The following CARMIL1 variants were observed in gnomAD, a reference collection of about 807,000 sequenced individuals.
CARMIL1 encodes the protein capping protein regulator and myosin 1 linker 1, also known as F-actin-uncapping protein LRRC16A.
CARMIL1 carries 90 observed loss-of-function variants against 177.1 expected under a neutral mutation model. The observed-to-expected ratio is 0.51, with a 90% confidence interval of 0.43 to 0.61. The LOEUF is 0.61. CARMIL1 is among the 20% of genes least tolerant of loss of function. CARMIL1 has a pLI of 0.00. For synonymous variants in CARMIL1, 577 were observed against 606.2 expected, an observed-to-expected ratio of 0.95 and a Z score of 0.71; for missense variants, 1,380 against 1,667.0, an observed-to-expected ratio of 0.83 and a Z score of 3.00.
chr6:25,323,770 C>G (rs939009930), intron 2 of CARMIL1, among the ~76,000 whole-genome samples: 2 of 152,202 alleles, frequency 1.3e-5, no homozygotes, highest in African/African-American at 4.8e-5. Flanking sequence ...GGGACTGTTC[C>G]ATTCATCATC....
Position 25,509,758 on chromosome 6 carries a change from A to C in CARMIL1, c.1477+21A>C. ...CAATGGTAAGTCAGATATTGAAAAG[A>C]AATGAAACTGAAATATTTTTTGAAG... On this transcript the variant is annotated intron_variant, in intron 18 of 36. Transcript: ENST00000329474. The surrounding 1 kb of genome is among the most constrained non-coding windows in gnomAD (Gnocchi z 4.1). 1 of 1,487,158 alleles carries C rather than the reference A, an allele frequency of 6.7e-7. No homozygotes were observed. Among genetic ancestry groups the C allele is most frequent in the Non-Finnish European group, 9.2e-7 (1 of 1,084,922 alleles). 92.1% of individuals were successfully genotyped at this position (1,487,158 alleles called of 1,614,324 possible).
At chr6:25,317,853 C>T (rs1465222068) in intron 2 of CARMIL1, among the ~76,000 whole-genome samples, 2 of 152,200 alleles carry the variant, frequency 1.3e-5, no homozygotes, top group Non-Finnish European at 2.9e-5. Context: ...ACGTGAGCCA[C>T]TGCACTTGGC....
intron 2 of CARMIL1, among the ~76,000 whole-genome samples, chr6:25,366,425 T>C (rs1789807442): frequency 6.6e-6 from 1 of 152,054 alleles, no homozygotes; most frequent in African/African-American, 2.4e-5. Flanking sequence ...TGTCTGTGCC[T>C]GACATTTAAA....
intron 2 of CARMIL1, among the ~76,000 whole-genome samples, chr6:25,287,716 C>G (rs895226057): frequency 1.3e-5 from 2 of 152,230 alleles, no homozygotes; most frequent in African/African-American, 4.8e-5. Context: ...TGCTTCACAT[C>G]ATTTGGCTAG....
At chr6:25,392,725 A>C (rs915069236) in intron 2 of CARMIL1, among the ~76,000 whole-genome samples, 4 of 152,164 alleles carry the variant, frequency 2.6e-5, no homozygotes, top group African/African-American at 9.7e-5. Context: ...CACGTGTAGG[A>C]AATATATTGA....
chr6:25,535,030 A>G, intron 24 of CARMIL1, among the ~76,000 whole-genome samples: 1 of 152,232 alleles, frequency 6.6e-6, no homozygotes, highest in East Asian at 1.9e-4. Context: ...AAGCCTAGGT[A>G]GTCACCAGCA....
intron 3 of CARMIL1, chr6:25,420,518 G>T: frequency 5.2e-6 from 1 of 190,874 alleles, no homozygotes; most frequent in South Asian, 1.4e-4. Flanking sequence ...TCTCAACTGG[G>T]GCTTGATTTC....
chr6:25,597,715 G>T (rs1404335545), intron 32 of CARMIL1, among the ~76,000 whole-genome samples: 1 of 151,990 alleles, frequency 6.6e-6, no homozygotes, highest in Non-Finnish European at 1.5e-5. Context: ...TCGTCTCTGT[G>T]TCATTTTTCT....
At chr6:25,599,581 G>A (rs1485804573) in intron 32 of CARMIL1, among the ~76,000 whole-genome samples, 1 of 152,096 alleles carries the variant, frequency 6.6e-6, no homozygotes, top group African/African-American at 2.4e-5. Flanking sequence ...CTCTCCCAGA[G>A]CATACTCTCT....
intron 31 of CARMIL1, among the ~76,000 whole-genome samples, chr6:25,586,097 C>T (rs889411705): frequency 6.1e-5 from 9 of 147,060 alleles, no homozygotes; most frequent in Non-Finnish European, 1.3e-4. Flanking sequence ...CAGGCAGAGG[C>T]GCCCCCCATC....
chr6:25,502,165 C>T (rs1804441292), intron 17 of CARMIL1, among the ~76,000 whole-genome samples: 1 of 147,764 alleles, frequency 6.8e-6, no homozygotes, highest in South Asian at 2.1e-4. Context: ...TACTGAGGGG[C>T]ATGCCAATAG....
intron 2 of CARMIL1, among the ~76,000 whole-genome samples, chr6:25,320,656 AACATTC>A (rs1329526145): frequency 1.3e-5 from 2 of 152,168 alleles, no homozygotes; most frequent in African/African-American, 2.4e-5. Context: ...TGTTTGGGAT[AACATTC>A]CTTAGCATTC....
chr6:25,312,576 T>C (rs2150210053), intron 2 of CARMIL1, among the ~76,000 whole-genome samples: 1 of 152,336 alleles, frequency 6.6e-6, no homozygotes, highest in African/African-American at 2.4e-5. Flanking sequence ...TTTTTGTTTT[T>C]TTAAACTCAA....
chr6:25,298,318 CT>C (rs1561951001), intron 2 of CARMIL1, among the ~76,000 whole-genome samples: 1 of 152,168 alleles, frequency 6.6e-6, no homozygotes, highest in Non-Finnish European at 1.5e-5. Flanking sequence ...CTTTGCATGT[CT>C]TCCTGGCCCT....
At chr6:25,564,616 A>G (rs1811398898) in intron 29 of CARMIL1, among the ~76,000 whole-genome samples, 1 of 152,134 alleles carries the variant, frequency 6.6e-6, no homozygotes, top group Admixed American at 6.5e-5. Flanking sequence ...TATGGACACG[A>G]TGGATTGTGC....
intron 12 of CARMIL1, 22 bp downstream of exon 12, chr6:25,482,365 T>G: frequency 8.5e-7 from 1 of 1,173,956 alleles, no homozygotes; most frequent in Non-Finnish European, 1.2e-6. Flanking sequence ...CTTATTTACC[T>G]AAGAGTGTGT....
chr6:25,471,955 C>T (rs900928683), intron 10 of CARMIL1, among the ~76,000 whole-genome samples: 1 of 152,142 alleles, frequency 6.6e-6, no homozygotes, highest in Non-Finnish European at 1.5e-5. Context: ...TGAAGTTAAA[C>T]ATAACTAAAA....
chr6:25,354,333 T>A (rs924664628), intron 2 of CARMIL1, among the ~76,000 whole-genome samples: 3 of 19,418 alleles, frequency 1.5e-4, no homozygotes, highest in Admixed American at 4.2e-4. Flanking sequence ...TAATTAAATT[T>A]TTTTTTTTTT....
chr6:25,520,762 A>C (rs973505212), intron 23 of CARMIL1, among the ~76,000 whole-genome samples: 2 of 151,834 alleles, frequency 1.3e-5, no homozygotes, highest in African/African-American at 4.8e-5. Flanking sequence ...CTCATCTATA[A>C]ATGTATGTAA....
Sources: allele counts gnomAD v4.1 joint callset (sites outside exome capture counted in the v4.1 genomes callset), GRCh38; gene constraint gnomAD v4.1.1; non-coding constraint Gnocchi (gnomAD v3.1); transcripts MANE v1.5; gene names NCBI Gene and HGNC (gene_info 2026-07-23, HGNC 2026-07-21).